The following INPP4B variants were observed in gnomAD, a reference collection of about 807,000 sequenced individuals.
INPP4B encodes the protein inositol polyphosphate-4-phosphatase type II B, also known as inositol polyphosphate 4-phosphatase type II.
INPP4B carries 55 observed loss-of-function variants against 122.5 expected under a neutral mutation model. The observed-to-expected ratio is 0.45, with a 90% CI of 0.36 to 0.56. The LOEUF is 0.56. Among genes scored for constraint, INPP4B ranks in the 20% least tolerant of loss-of-function variants. INPP4B has a pLI of 0.00. For missense variants in INPP4B, 1,000 were observed against 1,097.7 expected, an observed-to-expected ratio of 0.91 and a Z score of 1.26; for synonymous variants, 403 against 388.7, an observed-to-expected ratio of 1.04 and a Z score of -0.43.
intron 2 of INPP4B, among the ~76,000 whole-genome samples, chr4:142,541,008 G>A (rs1023486963): frequency 2.0e-5 from 3 of 152,172 alleles, no homozygotes; most frequent in Non-Finnish European, 2.9e-5. Context: ...TCGTCACATT[G>A]TTTGGGATGC....
chr4:142,375,215 C>G (rs1791407581), intron 7 of INPP4B, among the ~76,000 whole-genome samples: 2 of 151,790 alleles, frequency 1.3e-5, no homozygotes, highest in East Asian at 3.9e-4. Flanking sequence ...GACCAACCTT[C>G]CTCTTTGTCT....
chr4:142,178,218 T>G (rs1829210326), intron 15 of INPP4B, among the ~76,000 whole-genome samples: 1 of 152,132 alleles, frequency 6.6e-6, no homozygotes, highest in Non-Finnish European at 1.5e-5. Context: ...TTATCTTTCA[T>G]CCAACTTTTC....
chr4:142,384,199 A>T, intron 7 of INPP4B: 1 of 689,618 alleles, frequency 1.5e-6, no homozygotes, highest in Non-Finnish European at 2.6e-6. Flanking sequence ...CATGTGGGTT[A>T]AGACAAAAGA....
At chr4:142,216,275 C>A (rs1847219206) in intron 12 of INPP4B, among the ~76,000 whole-genome samples, 1 of 152,180 alleles carries the variant, frequency 6.6e-6, no homozygotes. Flanking sequence ...TAGCTTCTCC[C>A]AGTTCTCCAA....
chr4:142,722,347 C>G (rs373382783), intron 2 of INPP4B, among the ~76,000 whole-genome samples: 25 of 152,158 alleles, frequency 1.6e-4, no homozygotes, highest in East Asian at 1.2e-3. Context: ...AAGCTTTAAA[C>G]CTAAGCAAAG....
chr4:142,825,940 G>T (rs1781398181), intron 1 of INPP4B, among the ~76,000 whole-genome samples: 1 of 152,044 alleles, frequency 6.6e-6, no homozygotes, highest in Admixed American at 6.6e-5. Context: ...ATAACCCTTT[G>T]TCTTATCTCG....
intron 2 of INPP4B, among the ~76,000 whole-genome samples, chr4:142,507,399 C>T (rs981099912): frequency 3.3e-5 from 5 of 152,116 alleles, no homozygotes; most frequent in South Asian, 2.1e-4. Flanking sequence ...ATCCAGAAAA[C>T]GTCTCCTGGG....
At chr4:142,435,346 A>C (rs1334245395) in intron 3 of INPP4B, among the ~76,000 whole-genome samples, 1 of 152,208 alleles carries the variant, frequency 6.6e-6, no homozygotes, top group Non-Finnish European at 1.5e-5. Context: ...TCCTTTCAAT[A>C]AGAATGAAAC....
intron 21 of INPP4B, among the ~76,000 whole-genome samples, chr4:142,117,967 A>G (rs1001238981): frequency 9.2e-5 from 14 of 152,296 alleles, no homozygotes; most frequent in African/African-American, 3.4e-4. Flanking sequence ...AAATCAATGT[A>G]CAAAAATAAC....
intron 2 of INPP4B, among the ~76,000 whole-genome samples, chr4:142,623,375 C>A (rs1482494284): frequency 6.6e-6 from 1 of 151,838 alleles, no homozygotes. Context: ...CCCAGAAAGT[C>A]CCCACCACAT....
intron 2 of INPP4B, among the ~76,000 whole-genome samples, chr4:142,496,541 T>C (rs1016555896): frequency 6.6e-6 from 1 of 152,328 alleles, no homozygotes. Flanking sequence ...ACCATTAGCA[T>C]ATGAGACTTT....
At chr4:142,123,491 C>T (rs1797437450) in intron 19 of INPP4B, 76 bp from the exon 20 acceptor site, 1 of 1,424,460 alleles carries the variant, frequency 7.0e-7, no homozygotes, top group South Asian at 1.3e-5. Context: ...TTTAAGACTT[C>T]TGAGGCATCA....
At chr4:142,348,816 C>A (rs1444301658) in intron 7 of INPP4B, among the ~76,000 whole-genome samples, 1 of 151,984 alleles carries the variant, frequency 6.6e-6, no homozygotes, top group Non-Finnish European at 1.5e-5. Flanking sequence ...CCCCAGATAT[C>A]AAGTTCAGTG....
rs1189866227 is a variant in INPP4B, at chr4:142,245,891, T to C, written c.689-7880A>G. 1.3e-3 allele frequency among the ~76,000 whole-genome samples: 29 copies of C among 23,150 alleles called. 2 individuals are homozygous for C. The highest frequency in any genetic ancestry group is 2.9e-3 in the African/African-American group (27 of 9,226). 15.2% of individuals were successfully genotyped at this position (23,150 alleles called of 152,430 possible). ...ATGTATACATATATATGTGTATGTATACATATATGTGTATGTATACATATA... is the reference window on the plus strand; with the variant it reads ...ATGTATACATATATATGTGTATGTACACATATATGTGTATGTATACATATA... On this transcript the variant is annotated intron_variant, in intron 11 of 25. Coordinates refer to ENST00000262992, the MANE Select transcript of INPP4B (RefSeq NM_001101669.3).
chr4:142,659,276 G>T (rs993659589), intron 2 of INPP4B, among the ~76,000 whole-genome samples: 3 of 151,648 alleles, frequency 2.0e-5, no homozygotes, highest in Admixed American at 6.6e-5. Context: ...CGTGGTGGCA[G>T]ATGCCTGTAG....
At chr4:142,601,323 A>C (rs1226127074) in intron 2 of INPP4B, among the ~76,000 whole-genome samples, 1 of 152,114 alleles carries the variant, frequency 6.6e-6, no homozygotes, top group African/African-American at 2.4e-5. Context: ...AGTTTCAACA[A>C]ATTTTCAAAA....
intron 2 of INPP4B, among the ~76,000 whole-genome samples, chr4:142,569,089 AAAT>A (rs781713099): frequency 1.3e-5 from 2 of 152,142 alleles, no homozygotes; most frequent in Non-Finnish European, 2.9e-5. Flanking sequence ...TAATAATGGG[AAAT>A]AATATTTGCT....
In INPP4B at chr4:142,739,754, G is replaced by T. The variant is rs538279490; in HGVS notation, c.-253-13853C>A. Among the ~76,000 whole-genome samples, 10 of 151,964 alleles carry T rather than the reference G, an allele frequency of 6.6e-5. No homozygotes were observed. In the South Asian group the frequency reaches 2.1e-3, roughly 32 times the overall value. ...GGTCATTGGATTAAAAGCAATGAAA[G>T]AAAAAATAATACGTTATTTTAAGGA... On this transcript the variant is annotated intron_variant, in intron 1 of 25. Transcript: ENST00000262992.
chr4:142,609,511 CATTGGTGGATATCATATCA>C (rs1742023847), intron 2 of INPP4B, among the ~76,000 whole-genome samples: 1 of 152,152 alleles, frequency 6.6e-6, no homozygotes, highest in African/African-American at 2.4e-5. Flanking sequence ...GTTAGCCTCA[CATTGGTGGATATCATATCA>C]ATTCAAAGTC....
Sources: gnomAD v4.1 joint callset for allele counts (sites outside exome capture counted in the v4.1 genomes callset) on GRCh38, gnomAD v4.1.1 for gene constraint, MANE v1.5 for transcripts, NCBI Gene and HGNC (gene_info 2026-07-23, HGNC 2026-07-21) for gene names.